Variants in TIMP3 observed in about 807,000 individuals in gnomAD.
TIMP3 encodes TIMP metallopeptidase inhibitor 3, also known as metalloproteinase inhibitor 3.
A neutral mutation model predicts 30.0 loss-of-function variants in TIMP3; 11 were observed. That is an observed-to-expected ratio of 0.37 (90% confidence interval 0.23 to 0.61). The LOEUF (loss-of-function observed/expected upper bound fraction) is 0.61. Among genes scored for constraint, TIMP3 ranks in the 20% least tolerant of loss-of-function variants. TIMP3 has a pLI of 0.70. For synonymous variants in TIMP3, 112 were observed against 111.3 expected (o/e 1.01, Z -0.04); for missense variants, 181 against 276.8 (o/e 0.65, Z 2.45).
At chr22:32,810,463 G>T (rs2046887272) in intron 1 of TIMP3, among the ~76,000 whole-genome samples, 1 of 150,488 alleles carries the variant, frequency 6.6e-6, no homozygotes, top group East Asian at 2.0e-4. Context: ...TGTACGATCT[G>T]GCCTCAGAGA....
rs1321612042 is a variant in TIMP3, at chr22:32,801,750, C to CCTCCTCTTG, written c.-245_-237dup. On this transcript the variant is annotated 5_prime_UTR_variant, in exon 1 of 5. Transcript: ENST00000266085. This position sits in a 1 kb window ranked among gnomAD's most constrained non-coding sequence, Gnocchi z 4.7. ...GGCGGGCGCTCAGACGGCTTCTCCT[C>CCTCCTCTTG]CTCCTCTTGCTCCTCCAGCTCCTGC... 6 of 245,408 alleles carry CCTCCTCTTG rather than the reference C, an allele frequency of 2.4e-5. No individual in the cohort carries two copies. Among genetic ancestry groups the CCTCCTCTTG allele is most frequent in the Non-Finnish European group, 4.4e-5 (6 of 135,078 alleles). The allele number at this position is 245,408 out of a possible 1,614,324, so 15.2% of individuals were successfully genotyped here. A position where few individuals can be genotyped will look rare whatever the true frequency, so the allele number is the denominator to read the frequency against.
intron 1 of TIMP3, among the ~76,000 whole-genome samples, chr22:32,831,051 T>C (rs2047560223): frequency 6.6e-6 from 1 of 152,204 alleles, no homozygotes; most frequent in Non-Finnish European, 1.5e-5. Flanking sequence ...ATTCCTTCTA[T>C]TTCAAAAATA....
chr22:32,821,665 A>G (rs1177335882), intron 1 of TIMP3, among the ~76,000 whole-genome samples: 1 of 152,124 alleles, frequency 6.6e-6, no homozygotes, highest in Non-Finnish European at 1.5e-5. Flanking sequence ...CTTTCCCAAT[A>G]TCTCACAGCA....
intron 3 of TIMP3, 73 bp from the exon 4 acceptor site, chr22:32,857,943 AG>A (rs1261189835): frequency 5.6e-6 from 9 of 1,610,070 alleles, no homozygotes; most frequent in African/African-American, 1.3e-5. Flanking sequence ...GTGGGAACAT[AG>A]TAGGTGTGAA....
intron 1 of TIMP3, among the ~76,000 whole-genome samples, chr22:32,841,786 C>T (rs995251405): frequency 1.3e-5 from 2 of 152,070 alleles, no homozygotes; most frequent in Non-Finnish European, 2.9e-5. Context: ...CACTATGGTA[C>T]ATGTTTACCT....
At chr22:32,856,630 A>T (rs994296164) in intron 2 of TIMP3, among the ~76,000 whole-genome samples, 3 of 152,220 alleles carry the variant, frequency 2.0e-5, no homozygotes, top group Non-Finnish European at 2.9e-5. Context: ...TGGGATATTC[A>T]TAACCTTAAA....
At chr22:32,850,749 A>C (rs2048195266) in intron 2 of TIMP3, among the ~76,000 whole-genome samples, 1 of 152,118 alleles carries the variant, frequency 6.6e-6, no homozygotes, top group Non-Finnish European at 1.5e-5. Context: ...GGCATGCAAA[A>C]GTGACTTGGT....
chr22:32,856,624 A>T (rs2048375089), intron 2 of TIMP3, among the ~76,000 whole-genome samples: 1 of 152,214 alleles, frequency 6.6e-6, no homozygotes, highest in South Asian at 2.1e-4. Flanking sequence ...GGTAATTGGG[A>T]TATTCATAAC....
Position 32,859,238 on chromosome 22 carries a change from C to T in TIMP3, c.497C>T (p.Thr166Ile). 1 of 1,614,182 alleles carries T rather than the reference C, an allele frequency of 6.2e-7. No homozygotes were observed. The highest frequency in any genetic ancestry group is 8.5e-7 in the Non-Finnish European group (1 of 1,180,030). ...FVTSKNECLWTDMLSNFGYPG... is the reference protein window; with the variant it reads ...FVTSKNECLWIDMLSNFGYPG... ...ACTTCCAAGAACGAGTGTCTCTGGACCGACATGCTCTCCAATTTCGGTTAC... is the reference window on the plus strand; with the variant it reads ...ACTTCCAAGAACGAGTGTCTCTGGATCGACATGCTCTCCAATTTCGGTTAC... The change falls in exon 5 of 5, where the codon ACC (threonine) becomes ATC (isoleucine). Residue 166 changes from threonine (T) to isoleucine (I), a missense_variant. Transcript: ENST00000266085.
intron 1 of TIMP3, among the ~76,000 whole-genome samples, chr22:32,848,665 T>C (rs2048135925): frequency 6.6e-6 from 1 of 152,254 alleles, no homozygotes; most frequent in African/African-American, 2.4e-5. Context: ...AGTTTCACAT[T>C]TGTCATCTTG....
chr22:32,839,252 G>A (rs1385309141), intron 1 of TIMP3, among the ~76,000 whole-genome samples: 1 of 152,124 alleles, frequency 6.6e-6, no homozygotes, highest in Non-Finnish European at 1.5e-5. Context: ...GCAAACCCAA[G>A]GGAGGTGTAG....
At chr22:32,832,366 A>AT (rs2047598655) in intron 1 of TIMP3, among the ~76,000 whole-genome samples, 5 of 152,316 alleles carry the variant, frequency 3.3e-5, no homozygotes, top group Middle Eastern at 6.8e-3. Flanking sequence ...GGACACTAGA[A>AT]TATGTCCAGT....
chr22:32,852,949 C>T (rs186827710), intron 2 of TIMP3, among the ~76,000 whole-genome samples: 29 of 152,328 alleles, frequency 1.9e-4, no homozygotes, highest in Admixed American at 1.6e-3. Flanking sequence ...TGCTCTCCAG[C>T]TGGCTGCAGG....
At chr22:32,852,866 G>A (rs182500855) in intron 2 of TIMP3, among the ~76,000 whole-genome samples, 1 of 152,290 alleles carries the variant, frequency 6.6e-6, no homozygotes, top group East Asian at 1.9e-4. Flanking sequence ...AAGCTGTGGG[G>A]ACCTTATCTC....
At chr22:32,840,594 C>T (rs1360822853) in intron 1 of TIMP3, among the ~76,000 whole-genome samples, 1 of 151,988 alleles carries the variant, frequency 6.6e-6, no homozygotes, top group Non-Finnish European at 1.5e-5. Context: ...TGCTCAGAGC[C>T]CGGCTGTGAT....
chr22:32,853,480 T>C (rs533437981), intron 2 of TIMP3, among the ~76,000 whole-genome samples: 1 of 152,346 alleles, frequency 6.6e-6, no homozygotes, highest in South Asian at 2.1e-4. Context: ...ATAAGAAATA[T>C]GCAAATGTCC....
chr22:32,805,816 A>G (rs2046718324), intron 1 of TIMP3, among the ~76,000 whole-genome samples: 1 of 152,086 alleles, frequency 6.6e-6, no homozygotes, highest in Admixed American at 6.5e-5. Context: ...TTCTAAGGTG[A>G]CCAGGAGATG....
intron 1 of TIMP3, among the ~76,000 whole-genome samples, chr22:32,848,003 T>C (rs983444822): frequency 6.6e-6 from 1 of 152,258 alleles, no homozygotes; most frequent in African/African-American, 2.4e-5. Context: ...TTTTCTTTGG[T>C]TGAGCCAATG....
intron 1 of TIMP3, among the ~76,000 whole-genome samples, chr22:32,806,470 G>T (rs1321127678): frequency 2.0e-5 from 3 of 152,146 alleles, no homozygotes; most frequent in Non-Finnish European, 2.9e-5. Flanking sequence ...GGACAAGGAG[G>T]CCCCTTCTTC....
Sources: allele counts gnomAD v4.1 joint callset (sites outside exome capture counted in the v4.1 genomes callset), GRCh38; gene constraint gnomAD v4.1.1; non-coding constraint Gnocchi (gnomAD v3.1); transcripts MANE v1.5; gene names NCBI Gene and HGNC (gene_info 2026-07-23, HGNC 2026-07-21).